The following MYO18B variants were observed in gnomAD, a reference collection of about 807,000 sequenced individuals.
MYO18B encodes unconventional myosin-XVIIIb.
In MYO18B, 204 loss-of-function variants were observed where a neutral mutation model predicts 273.0. The observed-to-expected ratio is 0.75, with a 90% CI of 0.67 to 0.84. MYO18B has a LOEUF of 0.84. MYO18B is among the 40% of genes least tolerant of loss of function. The pLI is 0.00. For missense variants in MYO18B, 3,212 were observed against 3,287.6 expected, an observed-to-expected ratio of 0.98 and a Z score of 0.56; for synonymous variants, 1,330 against 1,305.7, an observed-to-expected ratio of 1.02 and a Z score of -0.40.
chr22:26,014,900 T>TG lies in MYO18B; in HGVS notation c.6470+10048dup, dbSNP rs1018675298. Among the ~76,000 whole-genome samples the TG allele has an allele frequency of 2.7e-3, 372 of 139,906 alleles. 3 individuals are homozygous for TG. The highest frequency in any genetic ancestry group is 9.0e-3 in the African/African-American group (346 of 38,322). The allele number at this position is 139,906 out of a possible 152,430, so 91.8% of individuals were successfully genotyped here. ...TGCATGTCCTTTGCTCACTTTTTAA[T>TG]GGGTTTTTTTTTTCTTGTACATTTG... On this transcript the variant is annotated intron_variant, in intron 42 of 43. Transcript: ENST00000335473.
chr22:25,849,059 C>G (rs541460971), intron 20 of MYO18B, among the ~76,000 whole-genome samples: 55 of 152,368 alleles, frequency 3.6e-4, no homozygotes, highest in African/African-American at 1.2e-3. Context: ...CAGATAATGT[C>G]ACAAGAGAAG....
chr22:25,945,751 C>T (rs1601644184), intron 34 of MYO18B, among the ~76,000 whole-genome samples: 1 of 27,166 alleles, frequency 3.7e-5, no homozygotes, highest in South Asian at 2.6e-3. Flanking sequence ...CGCCTCCCCT[C>T]CCCTCCCCTC....
chr22:25,900,728 G>A (rs1020629022), intron 29 of MYO18B: 1 of 152,540 alleles, frequency 6.6e-6, no homozygotes, highest in East Asian at 1.9e-4. Flanking sequence ...TTTGCTAGGA[G>A]CTGGTGTTTG....
chr22:26,000,224 A>G (rs1192465137), intron 40 of MYO18B, among the ~76,000 whole-genome samples: 3 of 152,234 alleles, frequency 2.0e-5, no homozygotes, highest in African/African-American at 4.8e-5. Flanking sequence ...AAAAGGGCCA[A>G]TGTGTTTCAA....
intron 11 of MYO18B, among the ~76,000 whole-genome samples, chr22:25,795,237 C>T (rs2087858763): frequency 1.3e-5 from 2 of 152,136 alleles, no homozygotes; most frequent in African/African-American, 4.8e-5. Context: ...TGATTTTGAT[C>T]CAAAGAGTTT....
chr22:25,934,407 G>C (rs1032847673), intron 34 of MYO18B, among the ~76,000 whole-genome samples: 1 of 152,120 alleles, frequency 6.6e-6, no homozygotes, highest in Non-Finnish European at 1.5e-5. Flanking sequence ...GGTGAGTTGG[G>C]AGTGGTGCAG....
At chr22:25,743,553 G>T (rs2085690776) in intron 1 of MYO18B, among the ~76,000 whole-genome samples, 2 of 151,824 alleles carry the variant, frequency 1.3e-5, no homozygotes, top group African/African-American at 2.4e-5. Context: ...AGGAGGAGAA[G>T]AATAATAGCA....
chr22:25,955,774 G>A (rs2092844455), intron 39 of MYO18B, among the ~76,000 whole-genome samples: 1 of 152,152 alleles, frequency 6.6e-6, no homozygotes, highest in Non-Finnish European at 1.5e-5. Context: ...TCAGCCCTGT[G>A]AAGTCAGAAT....
intron 40 of MYO18B, among the ~76,000 whole-genome samples, chr22:25,993,691 G>A (rs777476775): frequency 2.6e-5 from 4 of 152,148 alleles, no homozygotes; most frequent in African/African-American, 4.8e-5. Context: ...TCTCTTAAGG[G>A]CTGGAGGCAG....
intron 42 of MYO18B, among the ~76,000 whole-genome samples, chr22:26,022,743 C>G (rs1935922116): frequency 6.6e-6 from 1 of 152,238 alleles, no homozygotes; most frequent in South Asian, 2.1e-4. Flanking sequence ...TCACTCCAAT[C>G]TCAAGACATT....
chr22:25,872,792 A>G (rs544153108), intron 22 of MYO18B, among the ~76,000 whole-genome samples: 2 of 152,312 alleles, frequency 1.3e-5, no homozygotes, highest in Non-Finnish European at 2.9e-5. Context: ...TCCAAAACAC[A>G]GTAAGTGCCC....
At chr22:25,789,731 G>A (rs1387991944) in intron 11 of MYO18B, among the ~76,000 whole-genome samples, 10 of 151,972 alleles carry the variant, frequency 6.6e-5, no homozygotes, top group South Asian at 2.1e-4. Context: ...ACACACACTC[G>A]AGCAAACCAG....
intron 34 of MYO18B, among the ~76,000 whole-genome samples, chr22:25,924,704 C>T (rs550691008): frequency 6.0e-4 from 91 of 152,170 alleles, no homozygotes; most frequent in Middle Eastern, 3.4e-3. Context: ...GTGAGCGAAG[C>T]GTGACAGAAT....
intron 33 of MYO18B, among the ~76,000 whole-genome samples, chr22:25,912,090 G>A (rs2092169410): frequency 6.6e-6 from 1 of 152,200 alleles, no homozygotes; most frequent in African/African-American, 2.4e-5. Context: ...GTGCACTTCA[G>A]GTGATCATCT....
At chr22:25,898,597 G>A (rs925972328) in intron 29 of MYO18B, 136 bp downstream of exon 29, 6 of 883,600 alleles carry the variant, frequency 6.8e-6, no homozygotes, top group East Asian at 5.0e-5. Flanking sequence ...TCCCTGTCCC[G>A]TCACACCTTA....
chr22:25,905,514 G>A lies in MYO18B; in HGVS notation c.5148+1683G>A, dbSNP rs528758935. Among the ~76,000 whole-genome samples, 3 of 152,256 alleles carry A rather than the reference G, an allele frequency of 2.0e-5. No individual in the cohort carries two copies. The South Asian group carries it at 6.2e-4, about 32-fold the overall frequency. On this transcript the variant is annotated intron_variant, in intron 31 of 43. Transcript: ENST00000335473. Reference sequence around the variant, plus strand: ...TGACAGCAGGGTTGGGGGAGAGATCGGGGAAAACTTCCTGGAGGAAGTGAT... The same window carrying A: ...TGACAGCAGGGTTGGGGGAGAGATCAGGGAAAACTTCCTGGAGGAAGTGAT...
At chr22:25,771,132 G>A (rs1419292993) in intron 6 of MYO18B, 148 bp downstream of exon 6, 5 of 640,284 alleles carry the variant, frequency 7.8e-6, no homozygotes, top group Non-Finnish European at 1.4e-5. Context: ...GGGAGTTATA[G>A]TGAAGAACCC....
At chr22:25,780,538 C>T (rs377763784) in intron 9 of MYO18B, among the ~76,000 whole-genome samples, 2 of 123,106 alleles carry the variant, frequency 1.6e-5, no homozygotes, top group Admixed American at 1.1e-4. Flanking sequence ...TGTAGTGAGC[C>T]GAGATTGTGC....
At chr22:25,923,944 G>A (rs932809452) in intron 34 of MYO18B, among the ~76,000 whole-genome samples, 2 of 152,070 alleles carry the variant, frequency 1.3e-5, no homozygotes, top group African/African-American at 4.8e-5. Flanking sequence ...GGGAAAAAGT[G>A]GTATTTAATG....
Sources: gnomAD v4.1 joint callset for allele counts (sites outside exome capture counted in the v4.1 genomes callset) on GRCh38, gnomAD v4.1.1 for gene constraint, MANE v1.5 for transcripts, NCBI Gene and HGNC (gene_info 2026-07-23, HGNC 2026-07-21) for gene names.